Variants in UNC93A observed in about 807,000 individuals in gnomAD.
UNC93A encodes N-acetylglucosamine transporter UNC93A.
Under a neutral mutation model 47.5 loss-of-function variants are expected in UNC93A, and 43 were observed. The ratio of observed to expected loss-of-function variants is 0.91; its 90% CI spans 0.71 to 1.17. The LOEUF is 1.17. Ranked by LOEUF, UNC93A falls within the 50% of genes most tolerant of loss-of-function variation. The pLI is 0.00. For synonymous variants in UNC93A, 280 were observed against 258.0 expected (o/e 1.09, Z -0.82); for missense variants, 605 against 577.6 (o/e 1.05, Z -0.49).
chr6:167,305,527 G>A (rs1778360981), intron 5 of UNC93A, among the ~76,000 whole-genome samples: 2 of 151,894 alleles, frequency 1.3e-5, no homozygotes, highest in Admixed American at 6.5e-5. Flanking sequence ...GAGGTGTCAG[G>A]GCAATCTTTT....
chr6:167,308,493 C>G (rs140680047), intron 7 of UNC93A, among the ~76,000 whole-genome samples: 2,698 of 151,890 alleles, frequency 0.018, 45 homozygotes, highest in Non-Finnish European at 0.03. Context: ...CAGGGGAGGC[C>G]AGGGTGGGCT....
chr6:167,269,923 C>T (rs1238056254), upstream of UNC93A, among the ~76,000 whole-genome samples: 1 of 152,052 alleles, frequency 6.6e-6, no homozygotes, highest in African/African-American at 2.4e-5. Context: ...CCAATAATGG[C>T]ACTTTTTCCT....
intron 3 of UNC93A, among the ~76,000 whole-genome samples, chr6:167,296,882 A>C (rs1401461865): frequency 6.6e-6 from 1 of 152,140 alleles, no homozygotes; most frequent in African/African-American, 2.4e-5. Flanking sequence ...CGGGGTAAAA[A>C]CCAATCCAGC....
chr6:167,286,790 C>G (rs982190951), upstream of UNC93A, among the ~76,000 whole-genome samples: 3 of 151,936 alleles, frequency 2.0e-5, no homozygotes, highest in Admixed American at 6.6e-5. Flanking sequence ...CCAGCCTGGG[C>G]AACACGGTGA....
Position 167,296,073 on chromosome 6 carries a change from C to T in UNC93A, c.311C>T (p.Ala104Val), listed in dbSNP as rs1454164975. The change falls in exon 3 of 8, where the codon GCC becomes GTC. Residue 104 changes from alanine to valine, a missense_variant. Ala to Val is a moderately conservative substitution (Grantham distance 64). Transcript: ENST00000230256. ...IPTSILLGLG[A>V]APLWSAQCTY... The stretch of plus-strand genomic sequence containing the variant: ...ACCTCCATACTGCTGGGACTCGGGG[C>T]CGCCCCGCTGTGGTCTGCACAGTGC... 7 of 1,614,120 alleles carry T rather than the reference C, an allele frequency of 4.3e-6. No individual in the cohort carries two copies. In the African/African-American group the frequency reaches 9.3e-5, roughly 22 times the overall value.
intron 1 of UNC93A, among the ~76,000 whole-genome samples, chr6:167,277,615 C>T (rs1783564762): frequency 6.6e-6 from 1 of 151,884 alleles, no homozygotes; most frequent in Non-Finnish European, 1.5e-5. Context: ...CTATCTCTGT[C>T]TCTCTCTCTC....
At chr6:167,310,340 T>C (rs1179470510) in intron 7 of UNC93A, among the ~76,000 whole-genome samples, 1 of 152,304 alleles carries the variant, frequency 6.6e-6, no homozygotes, top group East Asian at 1.9e-4. Flanking sequence ...CATTCATATT[T>C]GGTTTTTGTT....
intron 1 of UNC93A, among the ~76,000 whole-genome samples, chr6:167,282,504 G>A (rs1407402163): frequency 6.6e-6 from 1 of 152,094 alleles, no homozygotes; most frequent in Non-Finnish European, 1.5e-5. Context: ...TTTTCTTGGA[G>A]CATGGGTTCA....
At chr6:167,279,796 A>G (rs143588364) in intron 1 of UNC93A, among the ~76,000 whole-genome samples, 9 of 152,364 alleles carry the variant, frequency 5.9e-5, no homozygotes, top group African/African-American at 2.2e-4. Context: ...ATAGTAGAGA[A>G]TGAAAAAGAT....
chr6:167,313,744 A>G (rs776906112), intron 7 of UNC93A, among the ~76,000 whole-genome samples: 2 of 152,094 alleles, frequency 1.3e-5, no homozygotes, highest in Non-Finnish European at 2.9e-5. Flanking sequence ...ACATGGCATG[A>G]TCTACCACTT....
chr6:167,278,087 T>A (rs1365587846), intron 1 of UNC93A, among the ~76,000 whole-genome samples: 2 of 152,192 alleles, frequency 1.3e-5, no homozygotes, highest in Non-Finnish European at 2.9e-5. Context: ...AGCTACAGAA[T>A]GTCTTCCTCA....
In UNC93A at chr6:167,305,466, G is replaced by A. The variant is rs577751030; in HGVS notation, c.841-449G>A. ...CCCGTGATGGGAGTGTGGTGCGGTGGGCATGAGACACATGTGCAGCCGGCT... is the reference window on the plus strand; with the variant it reads ...CCCGTGATGGGAGTGTGGTGCGGTGAGCATGAGACACATGTGCAGCCGGCT... On this transcript the variant is annotated intron_variant, in intron 5 of 7. Coordinates refer to ENST00000230256, the MANE Select transcript of UNC93A (RefSeq NM_018974.4). Among the ~76,000 whole-genome samples, 21 of 152,240 alleles carry A rather than the reference G, an allele frequency of 1.4e-4. No homozygotes were observed. In the South Asian group the frequency reaches 3.9e-3, roughly 29 times the overall value.
At position 167,315,220 on chromosome 6, in the gene UNC93A, A is replaced by G; in HGVS notation, c.1142A>G (p.Glu381Gly). ...LYGVLFEKSK[E>G]AAFANYRLWE... is the part of the protein sequence containing the mutation. The stretch of plus-strand genomic sequence containing the variant: ...GGCGTTCTGTTTGAGAAGAGCAAGG[A>G]AGCTGCCTTCGCCAATTACCGCCTG... Residue 381 changes from glutamate to glycine, a missense_variant, in exon 8 of 8, where the codon GAA becomes GGA. By Grantham distance (98) the Glu-to-Gly change is moderately conservative. Transcript: ENST00000230256. 1 of 1,613,748 alleles carries G rather than the reference A, an allele frequency of 6.2e-7. No homozygotes were observed. Among genetic ancestry groups the G allele is most frequent in the African/African-American group, 1.3e-5 (1 of 75,000 alleles).
At chr6:167,308,966 G>A (rs1778481711) in intron 7 of UNC93A, among the ~76,000 whole-genome samples, 1 of 152,110 alleles carries the variant, frequency 6.6e-6, no homozygotes, top group Non-Finnish European at 1.5e-5. Context: ...AGGCAGGGCA[G>A]TGAGGACACG....
intron 1 of UNC93A, among the ~76,000 whole-genome samples, chr6:167,285,960 C>CTCTCTCTCTCTA (rs534979428): frequency 2.9e-4 from 40 of 139,384 alleles, no homozygotes; most frequent in African/African-American, 1.0e-3. Flanking sequence ...CTCTCTCTCT[C>CTCTCTCTCTCTA]TATATATATA....
At chr6:167,314,628 C>T (rs764734900) in intron 7 of UNC93A, among the ~76,000 whole-genome samples, 31 of 152,218 alleles carry the variant, frequency 2.0e-4, no homozygotes, top group Admixed American at 1.4e-3. Context: ...ACGTGCCTCC[C>T]GTTCTATTCA....
chr6:167,289,600 C>T (rs1177788334), upstream of UNC93A, among the ~76,000 whole-genome samples: 1 of 151,942 alleles, frequency 6.6e-6, no homozygotes, highest in African/African-American at 2.4e-5. Context: ...AAGGCATAGG[C>T]TGGTGAAGGG....
At chr6:167,272,285 G>A (rs1783463004) in intron 1 of UNC93A, among the ~76,000 whole-genome samples, 3 of 152,220 alleles carry the variant, frequency 2.0e-5, no homozygotes, top group Non-Finnish European at 4.4e-5. Context: ...CAGGAGCAGT[G>A]GCAGACGTGC....
At chr6:167,312,731 A>C (rs192306233) in intron 7 of UNC93A, among the ~76,000 whole-genome samples, 72 of 152,370 alleles carry the variant, frequency 4.7e-4, no homozygotes, top group Admixed American at 1.6e-3. Context: ...TACCATTTTC[A>C]GTCTACTTTC....
Sources: allele counts gnomAD v4.1 joint callset (sites outside exome capture counted in the v4.1 genomes callset), GRCh38; gene constraint gnomAD v4.1.1; transcripts MANE v1.5; gene names NCBI Gene and HGNC (gene_info 2026-07-23, HGNC 2026-07-21).